The following PRELID2 variants were observed in gnomAD, a reference collection of about 807,000 sequenced individuals.
The protein encoded by PRELID2 is PRELI domain-containing protein 2.
PRELID2 carries 25 observed loss-of-function variants against 28.4 expected under a neutral mutation model. The observed-to-expected ratio is 0.88, with a 90% CI of 0.64 to 1.23. PRELID2 has a LOEUF of 1.23. Among genes scored for constraint, PRELID2 ranks in the 50% most tolerant of loss-of-function variants. The pLI, the probability that PRELID2 is intolerant of heterozygous loss-of-function variation, is 0.00. For synonymous variants in PRELID2, 76 were observed against 71.6 expected (o/e 1.06, Z -0.31); for missense variants, 201 against 214.4 (o/e 0.94, Z 0.39).
chr5:145,673,412 T>C (rs887263769), intron 1 of PRELID2, among the ~76,000 whole-genome samples: 6 of 151,900 alleles, frequency 3.9e-5, no homozygotes, highest in Non-Finnish European at 8.8e-5. Context: ...TGTATAAAGG[T>C]ATAATAAGGG....
the PRELID2 span, among the ~76,000 whole-genome samples, chr5:145,461,711 T>C: frequency 1.3e-5 from 2 of 152,210 alleles, no homozygotes; most frequent in East Asian, 1.9e-4. Flanking sequence ...TAAAAGGCCT[T>C]CAATAAATAA....
intron 1 of PRELID2, among the ~76,000 whole-genome samples, chr5:145,745,010 G>T (rs1756950656): frequency 6.6e-6 from 1 of 151,928 alleles, no homozygotes. Context: ...GTTTAGAAAG[G>T]AACATAAATG....
At chr5:145,742,148 T>A (rs1259841728) in intron 1 of PRELID2, among the ~76,000 whole-genome samples, 1 of 122,682 alleles carries the variant, frequency 8.2e-6, no homozygotes, top group South Asian at 2.4e-4. Context: ...ATAAATTTAT[T>A]TATTTATTAT....
the PRELID2 span, chr5:145,229,619 T>A: frequency 1.9e-6 from 2 of 1,075,646 alleles, no homozygotes; most frequent in Non-Finnish European, 2.8e-6. Context: ...CTTATTGCCA[T>A]CGTGGAGAAC....
rs924120396 is a variant in PRELID2 at position 145,710,574 on chromosome 5, A to G, written n.70+54357T>C. On this transcript the variant is annotated intron_variant and non_coding_transcript_variant, in intron 1 of 2. Coordinates refer to the PRELID2 transcript ENST00000510259. ...TTCTCCCCTGAACTATGGCTAAAAC[A>G]GAGAACGAACTATTCTCTCCCAAGA... 1.1e-4 allele frequency among the ~76,000 whole-genome samples: 16 copies of G among 152,354 alleles called. 1 individual carries two copies. The South Asian group carries it at 3.3e-3, about 32-fold the overall frequency.
chr5:145,407,657 G>A, the PRELID2 span, among the ~76,000 whole-genome samples: 1 of 152,146 alleles, frequency 6.6e-6, no homozygotes, highest in Non-Finnish European at 1.5e-5. Flanking sequence ...TGTAGCTGCT[G>A]CTCTCTTGAA....
chr5:145,465,168 T>C, the PRELID2 span, among the ~76,000 whole-genome samples: 1 of 152,116 alleles, frequency 6.6e-6, no homozygotes, highest in Non-Finnish European at 1.5e-5. Context: ...ATTAATAGTG[T>C]AGTTTTCCAC....
intron 1 of PRELID2, among the ~76,000 whole-genome samples, chr5:145,479,337 G>A (rs1005624576): frequency 6.6e-6 from 1 of 152,074 alleles, no homozygotes; most frequent in Non-Finnish European, 1.5e-5. Context: ...CCATTTGCTT[G>A]ACAACACACA....
chr5:145,712,537 G>C (rs923968289), intron 1 of PRELID2, among the ~76,000 whole-genome samples: 1 of 152,096 alleles, frequency 6.6e-6, no homozygotes, highest in Non-Finnish European at 1.5e-5. Flanking sequence ...CTCTACACTA[G>C]CAGCCTAGCA....
chr5:145,821,152 G>GTGTGTGTGTGTGTGT (rs1754761991), intron 2 of PRELID2, among the ~76,000 whole-genome samples: 24 of 88,264 alleles, frequency 2.7e-4, no homozygotes, highest in African/African-American at 9.2e-4. Context: ...AACTCTCCTG[G>GTGTGTGTGTGTGTGT]GTGTGTGTGT....
chr5:145,230,025 T>G, the PRELID2 span: 1 of 714,476 alleles, frequency 1.4e-6, no homozygotes, highest in Non-Finnish European at 2.6e-6. Flanking sequence ...GGAATACCAT[T>G]GTCTCCAGAG....
intron 1 of PRELID2, among the ~76,000 whole-genome samples, chr5:145,581,414 G>A (rs1162332829): frequency 1.3e-5 from 2 of 152,064 alleles, no homozygotes; most frequent in Non-Finnish European, 2.9e-5. Context: ...ATATATGTGG[G>A]AGGTTTGCGT....
At chr5:145,343,755 G>A in the PRELID2 span, among the ~76,000 whole-genome samples, 2 of 151,338 alleles carry the variant, frequency 1.3e-5, no homozygotes, top group Admixed American at 6.6e-5. Flanking sequence ...AAACAAAATC[G>A]ATAAACCACT....
At chr5:145,238,726 T>G in the PRELID2 span, among the ~76,000 whole-genome samples, 10 of 152,022 alleles carry the variant, frequency 6.6e-5, no homozygotes, top group Non-Finnish European at 1.2e-4. Flanking sequence ...GTCCCCACTA[T>G]CCTATAAATG....
At chr5:145,722,760 A>G (rs1026522072) in intron 1 of PRELID2, among the ~76,000 whole-genome samples, 3 of 152,196 alleles carry the variant, frequency 2.0e-5, no homozygotes, top group African/African-American at 7.2e-5. Flanking sequence ...TCGGCCTCCC[A>G]AAGTGCTGGG....
the PRELID2 span, among the ~76,000 whole-genome samples, chr5:145,305,951 T>C: frequency 7.2e-5 from 11 of 152,204 alleles, no homozygotes; most frequent in African/African-American, 2.4e-4. Flanking sequence ...GACAGGATTC[T>C]ACCGGTGGGA....
chr5:145,645,662 T>C (rs1754185564), intron 1 of PRELID2, among the ~76,000 whole-genome samples: 1 of 152,168 alleles, frequency 6.6e-6, no homozygotes, highest in African/African-American at 2.4e-5. Flanking sequence ...GCTTTTGCAG[T>C]GGCTGATACC....
chr5:145,411,508 C>A, the PRELID2 span, among the ~76,000 whole-genome samples: 1 of 152,180 alleles, frequency 6.6e-6, no homozygotes, highest in South Asian at 2.1e-4. Context: ...CAATTGAGCT[C>A]CCACACCCTT....
At chr5:145,273,576 G>C in the PRELID2 span, among the ~76,000 whole-genome samples, 2 of 152,150 alleles carry the variant, frequency 1.3e-5, no homozygotes, top group Non-Finnish European at 2.9e-5. Flanking sequence ...AGAAGAGACG[G>C]AAATGCTTTT....
Sources: allele counts gnomAD v4.1 joint callset (sites outside exome capture counted in the v4.1 genomes callset), GRCh38; gene constraint gnomAD v4.1.1; transcripts MANE v1.5; gene names NCBI Gene and HGNC (gene_info 2026-07-23, HGNC 2026-07-21).